Variants in CSMD1 observed in about 807,000 individuals in gnomAD.
The protein encoded by CSMD1 is CUB and sushi domain-containing protein 1.
In CSMD1, 213 loss-of-function variants were observed where a neutral mutation model predicts 417.5. The ratio of observed to expected loss-of-function variants is 0.51; its 90% confidence interval spans 0.46 to 0.57. The LOEUF (loss-of-function observed/expected upper bound fraction) is 0.57. CSMD1 is among the 20% of genes least tolerant of loss of function. The probability of loss-of-function intolerance (pLI) is 0.00; values close to 1 mark genes in which losing one functional copy is unlikely to be tolerated. For synonymous variants in CSMD1, 2,862 were observed against 1,736.8 expected (o/e 1.65, Z -16.11); for missense variants, 6,923 against 4,529.7 (o/e 1.53, Z -15.17).
intron 1 of CSMD1, among the ~76,000 whole-genome samples, chr8:4,719,494 T>A (rs1469215424): frequency 6.6e-6 from 1 of 151,984 alleles, no homozygotes; most frequent in African/African-American, 2.4e-5. Flanking sequence ...TTCAAGCGCA[T>A]TGTAAGTAAT....
At chr8:4,906,824 C>T (rs548375172) in intron 1 of CSMD1, among the ~76,000 whole-genome samples, 1 of 152,210 alleles carries the variant, frequency 6.6e-6, no homozygotes, top group Non-Finnish European at 1.5e-5. Context: ...TCCCATAGTG[C>T]TGAGATTACA....
intron 3 of CSMD1, among the ~76,000 whole-genome samples, chr8:4,288,700 C>G (rs764641736): frequency 6.6e-6 from 1 of 152,130 alleles, no homozygotes; most frequent in African/African-American, 2.4e-5. Flanking sequence ...GTAGAGTCTT[C>G]TAGTGGATTT....
chr8:4,571,290 T>C (rs1340503799), intron 2 of CSMD1, among the ~76,000 whole-genome samples: 1 of 152,242 alleles, frequency 6.6e-6, no homozygotes, highest in African/African-American at 2.4e-5. Flanking sequence ...GCACTATGAT[T>C]TTCCCTCAGA....
At chr8:3,362,186 C>T (rs1365674265) in intron 20 of CSMD1, among the ~76,000 whole-genome samples, 1 of 152,172 alleles carries the variant, frequency 6.6e-6, no homozygotes, top group Non-Finnish European at 1.5e-5. Context: ...CAACACCAAT[C>T]TCTGGACTTC....
At chr8:4,852,231 C>T (rs999840039) in intron 1 of CSMD1, among the ~76,000 whole-genome samples, 1 of 152,178 alleles carries the variant, frequency 6.6e-6, no homozygotes, top group Non-Finnish European at 1.5e-5. Context: ...CTCCAAATCT[C>T]AGGTTGAAAT....
chr8:4,299,060 T>G (rs1404498605), intron 3 of CSMD1, among the ~76,000 whole-genome samples: 1 of 152,162 alleles, frequency 6.6e-6, no homozygotes, highest in African/African-American at 2.4e-5. Context: ...TATTCTCCTG[T>G]TAATCCTATT....
chr8:3,885,273 G>T (rs1015156830), intron 5 of CSMD1, among the ~76,000 whole-genome samples: 1 of 152,064 alleles, frequency 6.6e-6, no homozygotes, highest in Non-Finnish European at 1.5e-5. Context: ...GCATCAGACA[G>T]GTGTGAGTTA....
intron 1 of CSMD1, among the ~76,000 whole-genome samples, chr8:4,931,064 A>G (rs990389719): frequency 2.0e-5 from 3 of 152,240 alleles, no homozygotes; most frequent in Admixed American, 6.5e-5. Flanking sequence ...CTTATCTGTA[A>G]TAATTGGCTT....
At chr8:3,735,645 G>A (rs1028621806) in intron 6 of CSMD1, among the ~76,000 whole-genome samples, 1 of 152,098 alleles carries the variant, frequency 6.6e-6, no homozygotes, top group Non-Finnish European at 1.5e-5. Context: ...TTGGTGCCCT[G>A]GTTCACTCGG....
chr8:3,289,025 G>GT lies in CSMD1; in HGVS notation c.3951-4680dup, dbSNP rs1384193552. ...CGGTGTGTGATGTTCCCCTTCCTGT[G>GT]TCCGTGTGTTCTCATTGTTCAATTC... is the stretch of plus-strand genomic sequence containing the variant. On this transcript the variant is annotated intron_variant, in intron 25 of 69. Transcript: ENST00000635120. Among the ~76,000 whole-genome samples the GT allele has an allele frequency of 4.1e-5, 6 of 145,990 alleles. 1 individual carries two copies. The highest frequency in any genetic ancestry group is 1.4e-4 in the African/African-American group (5 of 36,168).
At chr8:3,966,529 A>G (rs1395820560) in intron 5 of CSMD1, among the ~76,000 whole-genome samples, 1 of 152,086 alleles carries the variant, frequency 6.6e-6, no homozygotes, top group Non-Finnish European at 1.5e-5. Context: ...AGAAAATTGT[A>G]TTCTTTTGTT....
At chr8:4,244,939 C>T (rs989983294) in intron 3 of CSMD1, among the ~76,000 whole-genome samples, 1 of 152,088 alleles carries the variant, frequency 6.6e-6, no homozygotes, top group Non-Finnish European at 1.5e-5. Flanking sequence ...ATCACCATTG[C>T]TTGAAAACAA....
chr8:4,440,832 C>G (rs959228726), intron 2 of CSMD1, among the ~76,000 whole-genome samples: 4 of 151,780 alleles, frequency 2.6e-5, no homozygotes, highest in African/African-American at 9.7e-5. Context: ...CTCCTCTCTA[C>G]TGAAAATACA....
intron 2 of CSMD1, among the ~76,000 whole-genome samples, chr8:4,534,235 C>T (rs184527849): frequency 3.9e-5 from 6 of 152,276 alleles, no homozygotes; most frequent in African/African-American, 9.6e-5. Flanking sequence ...ATACCTTCTG[C>T]GTGGGCCTGG....
At chr8:4,666,663 C>G (rs79145958) in intron 1 of CSMD1, among the ~76,000 whole-genome samples, 1 of 152,130 alleles carries the variant, frequency 6.6e-6, no homozygotes, top group Non-Finnish European at 1.5e-5. Context: ...TAATCCATAA[C>G]TGTAATTAAA....
chr8:4,149,483 A>G (rs1460851873), intron 3 of CSMD1, among the ~76,000 whole-genome samples: 5 of 152,230 alleles, frequency 3.3e-5, no homozygotes, highest in African/African-American at 1.2e-4. Context: ...TTGAAGGATT[A>G]CTCTATCTGG....
At chr8:4,597,764 G>T (rs1487318999) in intron 2 of CSMD1, among the ~76,000 whole-genome samples, 1 of 152,036 alleles carries the variant, frequency 6.6e-6, no homozygotes, top group Non-Finnish European at 1.5e-5. Flanking sequence ...AGTTTAAAAA[G>T]TAATGGGATG....
At chr8:3,895,837 C>A (rs1040517618) in intron 5 of CSMD1, among the ~76,000 whole-genome samples, 1 of 152,310 alleles carries the variant, frequency 6.6e-6, no homozygotes, top group Non-Finnish European at 1.5e-5. Context: ...TCTGACCTGG[C>A]TTGTTCCCTT....
intron 7 of CSMD1, among the ~76,000 whole-genome samples, chr8:3,684,772 C>T (rs1018997003): frequency 2.2e-4 from 33 of 151,956 alleles, no homozygotes; most frequent in Admixed American, 1.9e-3. Flanking sequence ...CAGAGCTTGA[C>T]GGCAGCCTAA....
Sources: gnomAD v4.1 joint callset for allele counts (sites outside exome capture counted in the v4.1 genomes callset) on GRCh38, gnomAD v4.1.1 for gene constraint, MANE v1.5 for transcripts, NCBI Gene and HGNC (gene_info 2026-07-23, HGNC 2026-07-21) for gene names.